Variants in FGFRL1 observed in about 807,000 individuals in gnomAD.
FGFRL1 encodes fibroblast growth factor receptor like 1, also known as fibroblast growth factor receptor-like 1.
In FGFRL1, 24 loss-of-function variants were observed where a neutral mutation model predicts 36.8. That is an observed-to-expected ratio of 0.65 (90% confidence interval 0.47 to 0.92). The LOEUF is 0.92. Among genes scored for constraint, FGFRL1 ranks in the 40% least tolerant of loss-of-function variants. The pLI, the probability that FGFRL1 is intolerant of heterozygous loss-of-function variation, is 0.00. For synonymous variants in FGFRL1, 422 were observed against 344.1 expected, an observed-to-expected ratio of 1.23 and a Z score of -2.50; for missense variants, 785 against 753.4, an observed-to-expected ratio of 1.04 and a Z score of -0.49.
chr4:1,021,146 AGGTGGGGACCCAGACAGGGGGTGG>A (rs1021798171), intron 2 of FGFRL1, among the ~76,000 whole-genome samples: 2 of 26,324 alleles, frequency 7.6e-5, no homozygotes, highest in African/African-American at 3.0e-4. Flanking sequence ...GGAAGGGGTG[AGGTGGGGACCCAGACAGGGGGTGG>A]GGTGGGATGG....
At position 1,025,323 on chromosome 4, in the gene FGFRL1, C is replaced by T. The variant is rs1336565796; in HGVS notation, c.1491C>T (p.His497=). ...ACTCACACGTGGAGGGCAAGGTCCACCAGCACATCCACTATCAGTGCTAGA... is the reference window on the plus strand; with the variant it reads ...ACTCACACGTGGAGGGCAAGGTCCATCAGCACATCCACTATCAGTGCTAGA... ...HTHSHVEGKV[H]QHIHYQC is the part of the protein sequence containing the mutation. Residue 497 remains histidine (H), a synonymous_variant, in exon 7 of 7, where the codon CAC becomes CAT. Coordinates refer to ENST00000510644, the MANE Select transcript of FGFRL1 (RefSeq NM_001004356.3). 3 of 1,556,630 alleles carry T rather than the reference C, an allele frequency of 1.9e-6. No individual in the cohort carries two copies. The highest frequency in any genetic ancestry group is 1.4e-5 in the African/African-American group (1 of 73,362).
At chr4:1,013,554 C>G (rs566535822) in intron 2 of FGFRL1, among the ~76,000 whole-genome samples, 15 of 152,386 alleles carry the variant, frequency 9.8e-5, no homozygotes, top group Non-Finnish European at 1.8e-4. Flanking sequence ...CGCCTGCCCA[C>G]ATGGGCCTGG....
At position 1,024,898 on chromosome 4, in the gene FGFRL1, C is replaced by T. The variant is rs770763091; in HGVS notation, c.1073-7C>T. ...CCTCCCTACCTCCTTTCCTCTCGCTCTTGCAGACCCAAAACCGCCAGGGCC... is the reference window on the plus strand; with the variant it reads ...CCTCCCTACCTCCTTTCCTCTCGCTTTTGCAGACCCAAAACCGCCAGGGCC... On this transcript the variant is annotated splice_polypyrimidine_tract_variant and splice_region_variant and intron_variant, in intron 6 of 6. Transcript: ENST00000510644. The T allele has an allele frequency of 1.9e-6, 3 of 1,583,806 alleles. No individual in the cohort carries two copies. Among genetic ancestry groups the T allele is most frequent in the Non-Finnish European group, 2.6e-6 (3 of 1,169,014 alleles).
chr4:1,024,133 G>A (rs777982818), intron 5 of FGFRL1, 32 bp downstream of exon 5: 30 of 1,409,642 alleles, frequency 2.1e-5, no homozygotes, highest in Non-Finnish European at 6.5e-6. Context: ...GGCGGGCGGG[G>A]GGTGCTGGTG....
chr4:1,026,580 C>A lies in FGFRL1; in HGVS notation c.*1233C>A. 4.2e-6 allele frequency: 1 copy of A among 236,358 alleles called. No homozygotes were observed. 14.6% of individuals were successfully genotyped at this position (236,358 alleles called of 1,614,324 possible). ...AGCCCCAAGCCTGAGAGGCTGGAGC[C>A]CATGGCTAGTGGCTCATCCCCACTG... On this transcript the variant is annotated 3_prime_UTR_variant, in exon 7 of 7. Transcript: ENST00000510644.
intron 2 of FGFRL1, 60 bp from the exon 3 acceptor site, chr4:1,022,143 C>T: frequency 2.3e-6 from 3 of 1,281,502 alleles, no homozygotes; most frequent in Non-Finnish European, 3.2e-6. Flanking sequence ...CTTTTGACCG[C>T]CCCCCCGGCT....
At position 1,014,924 on chromosome 4, in the gene FGFRL1, G is replaced by C. The variant is rs989415370; in HGVS notation, c.79+2360G>C. ...GCCTTTGGCTGGGCCTGGAAACGCC[G>C]ACCGCAGACTCCTTTATCCATTGTG... On this transcript the variant is annotated intron_variant, in intron 2 of 6. Coordinates refer to ENST00000510644, the MANE Select transcript of FGFRL1 (RefSeq NM_001004356.3). Among the ~76,000 whole-genome samples, 9 of 152,346 alleles carry C rather than the reference G, an allele frequency of 5.9e-5. 1 individual carries two copies. Among genetic ancestry groups the C allele is most frequent in the African/African-American group, 1.7e-4 (7 of 41,580 alleles).
chr4:1,019,516 G>A (rs1475882759), intron 2 of FGFRL1, among the ~76,000 whole-genome samples: 1 of 152,216 alleles, frequency 6.6e-6, no homozygotes, highest in African/African-American at 2.4e-5. Context: ...GTGCTGGTGG[G>A]GTCAACCTGG....
In FGFRL1 at chr4:1,012,472, C is replaced by G. The variant is rs770787708; in HGVS notation, c.-14C>G. On this transcript the variant is annotated splice_region_variant and 5_prime_UTR_variant, in exon 2 of 7. Transcript: ENST00000510644. ...GACGGCGCCCCCAATGTCCCCAGGTCCGGACAGGCCGAGATGACGCCGAGC... is the reference window on the plus strand; with the variant it reads ...GACGGCGCCCCCAATGTCCCCAGGTGCGGACAGGCCGAGATGACGCCGAGC... 6.0e-5 allele frequency: 94 copies of G among 1,576,310 alleles called. No homozygotes were observed. Among genetic ancestry groups the G allele is most frequent in the Non-Finnish European group, 7.3e-5 (85 of 1,165,638 alleles).
intron 5 of FGFRL1, 32 bp from the exon 6 acceptor site, chr4:1,024,279 A>G (rs757380523): frequency 9.0e-6 from 14 of 1,556,288 alleles, no homozygotes; most frequent in Non-Finnish European, 1.1e-5. Context: ...GGCGCGGCCC[A>G]GGAGCCATGC....
At chr4:1,010,958 T>TA (rs1715545667), upstream of FGFRL1, 1 of 152,258 alleles carries the variant, frequency 6.6e-6, no homozygotes, top group African/African-American at 2.4e-5. Flanking sequence ...GGTGGGAACA[T>TA]ACCTTTGGCC....
rs934570628 is a variant in FGFRL1, at chr4:1,025,926, A to G, written c.*579A>G. 3 of 163,488 alleles carry G rather than the reference A, an allele frequency of 1.8e-5. No individual in the cohort carries two copies. Among genetic ancestry groups the G allele is most frequent in the Admixed American group, 6.0e-5 (1 of 16,566 alleles). 10.1% of individuals were successfully genotyped at this position (163,488 alleles called of 1,614,324 possible). A position where few individuals can be genotyped will look rare whatever the true frequency, so the allele number is the denominator to read the frequency against. ...TCTGGACACGCACACACATGCAGAT[A>G]TGCTGCCTGGACACACACTTCCAGA... On this transcript the variant is annotated 3_prime_UTR_variant, in exon 7 of 7. Transcript: ENST00000510644.
At chr4:1,019,693 C>A (rs1156539129) in intron 2 of FGFRL1, among the ~76,000 whole-genome samples, 1 of 152,180 alleles carries the variant, frequency 6.6e-6, no homozygotes, top group Non-Finnish European at 1.5e-5. Context: ...CCCACAGCCG[C>A]CATCTCATTT....
chr4:1,022,370 G>T lies in FGFRL1; in HGVS notation c.247G>T (p.Gly83Trp). 6 of 1,610,572 alleles carry T rather than the reference G, an allele frequency of 3.7e-6. No homozygotes were observed. The highest frequency in any genetic ancestry group is 1.1e-5 in the South Asian group (1 of 90,852). The change falls in exon 3 of 7, where the codon GGG (glycine) becomes TGG (tryptophan). Residue 83 changes from glycine to tryptophan, a missense_variant. Transcript: ENST00000510644. Reference sequence around the variant, plus strand: ...GAGCCGCTTCCGCGTGCTGCCGCAGGGGCTGAAGGTGAAGCAGGTGGAGCG... The same window carrying T: ...GAGCCGCTTCCGCGTGCTGCCGCAGTGGCTGAAGGTGAAGCAGGTGGAGCG... ...GWSRFRVLPQ[G>W]LKVKQVERED... is the part of the protein sequence containing the mutation.
At chr4:1,024,159 G>T in intron 5 of FGFRL1, 58 bp downstream of exon 5, 2 of 1,196,978 alleles carry the variant, frequency 1.7e-6, no homozygotes, top group Non-Finnish European at 2.2e-6. Flanking sequence ...GGGCGCTGGC[G>T]GGCGGGGGTG....
At chr4:1,024,695 G>T (rs922520376) in intron 6 of FGFRL1, 31 bp downstream of exon 6, 1 of 1,565,690 alleles carries the variant, frequency 6.4e-7, no homozygotes, top group Non-Finnish European at 8.7e-7. Context: ...GCCACACCAT[G>T]CTGGTGCCCG....
rs1425984283 is a variant in FGFRL1, at chr4:1,025,654, G to C, written c.*307G>C. On this transcript the variant is annotated 3_prime_UTR_variant, in exon 7 of 7. Coordinates refer to ENST00000510644, the MANE Select transcript of FGFRL1 (RefSeq NM_001004356.3). ...CTGCCCAAATGCACGCACACGCACA[G>C]AGACATGCCAGAACATACAAGGACA... 4.1e-6 allele frequency: 2 copies of C among 492,166 alleles called. No individual in the cohort carries two copies. Among genetic ancestry groups the C allele is most frequent in the Non-Finnish European group, 7.3e-6 (2 of 273,872 alleles). The allele number at this position is 492,166 out of a possible 1,614,324, so 30.5% of individuals were successfully genotyped here. A position where few individuals can be genotyped will look rare whatever the true frequency, so the allele number is the denominator to read the frequency against.
chr4:1,011,312 G>GCC (rs1268712118), upstream of FGFRL1: 1 of 151,350 alleles, frequency 6.6e-6, no homozygotes, highest in African/African-American at 2.4e-5. Context: ...GGGAGGGCGC[G>GCC]GCGGCTCCTG....
At chr4:1,012,161 T>G (rs1298493812) in intron 1 of FGFRL1, 1 of 176,540 alleles carries the variant, frequency 5.7e-6, no homozygotes, top group Non-Finnish European at 1.2e-5. Flanking sequence ...TGTCCGCTAA[T>G]GGCGCAGGCG....
Sources: gnomAD v4.1 joint callset for allele counts (sites outside exome capture counted in the v4.1 genomes callset) on GRCh38, gnomAD v4.1.1 for gene constraint, MANE v1.5 for transcripts, NCBI Gene and HGNC (gene_info 2026-07-23, HGNC 2026-07-21) for gene names.